The following ZC3H3 variants were observed in gnomAD, a reference collection of about 807,000 sequenced individuals.
The protein encoded by ZC3H3 is zinc finger CCCH-type containing 3, also known as zinc finger CCCH domain-containing protein 3.
Under a neutral mutation model 77.3 loss-of-function variants are expected in ZC3H3, and 36 were observed. The observed-to-expected ratio is 0.47, with a 90% CI of 0.36 to 0.61. ZC3H3 has a LOEUF of 0.61. Ranked by LOEUF, ZC3H3 falls within the 20% of genes least tolerant of loss-of-function variation. The probability of loss-of-function intolerance (pLI) is 0.00; values close to 1 mark genes in which losing one functional copy is unlikely to be tolerated. For synonymous variants in ZC3H3, 626 were observed against 555.2 expected (o/e 1.13, Z -1.79); for missense variants, 1,331 against 1,312.2 (o/e 1.01, Z -0.22).
intron 4 of ZC3H3, among the ~76,000 whole-genome samples, chr8:143,477,677 A>G (rs762483994): frequency 7.9e-5 from 12 of 152,098 alleles, no homozygotes; most frequent in Non-Finnish European, 2.9e-5. Context: ...GCAGGTTCTG[A>G]CCTTCCACAG....
intron 3 of ZC3H3, among the ~76,000 whole-genome samples, chr8:143,516,322 G>C (rs1822039623): frequency 6.6e-6 from 1 of 152,188 alleles, no homozygotes; most frequent in African/African-American, 2.4e-5. Flanking sequence ...CCCTGTATGT[G>C]GTGGTGGCCA....
intron 4 of ZC3H3, among the ~76,000 whole-genome samples, chr8:143,502,185 T>C (rs1334439771): frequency 1.3e-5 from 2 of 152,226 alleles, no homozygotes; most frequent in South Asian, 2.1e-4. Context: ...GGCCCAGGAC[T>C]GTGAGAAGTC....
At chr8:143,505,411 G>A (rs1287807678) in intron 4 of ZC3H3, among the ~76,000 whole-genome samples, 1 of 152,180 alleles carries the variant, frequency 6.6e-6, no homozygotes, top group Non-Finnish European at 1.5e-5. Context: ...AAACAACCCC[G>A]AGCCCAGGCA....
intron 3 of ZC3H3, among the ~76,000 whole-genome samples, chr8:143,509,672 C>T (rs1171901552): frequency 1.3e-5 from 2 of 152,242 alleles, no homozygotes; most frequent in African/African-American, 4.8e-5. Flanking sequence ...CACAGCATGA[C>T]AAAGCTAGGG....
rs138055249 is a variant in ZC3H3, at chr8:143,497,465, T to C, written c.1715+10281A>G. Among the ~76,000 whole-genome samples, 786 of 152,120 alleles carry C rather than the reference T, an allele frequency of 5.2e-3. 7 individuals carry two copies. The highest frequency in any genetic ancestry group is 0.016 in the African/African-American group (646 of 41,482). On this transcript the variant is annotated intron_variant, in intron 4 of 11. Transcript: ENST00000262577. ...CCAGGGGGGCAGCCTGGGGTCCACATGGGCCATGAGCCACAGAGCAGTACC... is the reference window on the plus strand; with the variant it reads ...CCAGGGGGGCAGCCTGGGGTCCACACGGGCCATGAGCCACAGAGCAGTACC...
chr8:143,483,761 A>G (rs1424747478), intron 4 of ZC3H3, among the ~76,000 whole-genome samples: 1 of 152,162 alleles, frequency 6.6e-6, no homozygotes, highest in Non-Finnish European at 1.5e-5. Context: ...ACTCCTCACA[A>G]GTCTGGCCCC....
rs1414054050 is a variant in ZC3H3, at chr8:143,539,633, G to A, written c.47-313C>T. Among the ~76,000 whole-genome samples, 18 of 152,186 alleles carry A rather than the reference G, an allele frequency of 1.2e-4. 1 individual carries two copies. ...TGGTCTACTGAGTCCACAGTCATTTGCTGAGACGTGTCACTCAGTCTGAAG... is the reference window on the plus strand; with the variant it reads ...TGGTCTACTGAGTCCACAGTCATTTACTGAGACGTGTCACTCAGTCTGAAG... On this transcript the variant is annotated intron_variant, in intron 1 of 11. Transcript: ENST00000262577.
chr8:143,498,123 AG>A (rs903242285), intron 4 of ZC3H3, among the ~76,000 whole-genome samples: 4 of 152,186 alleles, frequency 2.6e-5, no homozygotes, highest in African/African-American at 9.7e-5. Flanking sequence ...GGCCCGGGGC[AG>A]GGGCTGTGTC....
intron 4 of ZC3H3, among the ~76,000 whole-genome samples, chr8:143,488,401 C>G (rs1385757624): frequency 1.6e-5 from 2 of 123,302 alleles, no homozygotes; most frequent in Admixed American, 1.6e-4. Flanking sequence ...AGAACAGCAC[C>G]CGCTACACGG....
At position 143,460,167 on chromosome 8, in the gene ZC3H3, G is replaced by A. The variant is rs764900382; in HGVS notation, c.2307+5550C>T. ...GGAGGCTGAGGCAGGAGAATCACTC[G>A]AACCCGGGAGGCGGAAGTTGCAGTG... On this transcript the variant is annotated intron_variant, in intron 9 of 11. Coordinates refer to ENST00000262577, the MANE Select transcript of ZC3H3 (RefSeq NM_015117.3). This position sits in a 1 kb window ranked among gnomAD's most constrained non-coding sequence, Gnocchi z 4.0. Among the ~76,000 whole-genome samples, 4 of 151,764 alleles carry A rather than the reference G, an allele frequency of 2.6e-5. No homozygotes were observed. The highest frequency in any genetic ancestry group is 2.1e-4 in the South Asian group (1 of 4,818).
At chr8:143,492,121 C>G (rs1317660667) in intron 4 of ZC3H3, among the ~76,000 whole-genome samples, 2 of 152,328 alleles carry the variant, frequency 1.3e-5, no homozygotes, top group African/African-American at 4.8e-5. Flanking sequence ...AAGGAAAAGA[C>G]AGACGTTGCA....
chr8:143,480,543 AGTCAGGGCAGTGCAT>A (rs1235713679), intron 4 of ZC3H3, among the ~76,000 whole-genome samples: 4 of 152,254 alleles, frequency 2.6e-5, no homozygotes, highest in African/African-American at 4.8e-5. Context: ...GTGGCCTCGC[AGTCAGGGCAGTGCAT>A]GCACAGCAAG....
At chr8:143,492,547 G>A (rs1197255433) in intron 4 of ZC3H3, among the ~76,000 whole-genome samples, 1 of 152,226 alleles carries the variant, frequency 6.6e-6, no homozygotes, top group Non-Finnish European at 1.5e-5. Context: ...CAGAGCCACT[G>A]CCAGCTTGAT....
chr8:143,449,222 T>C (rs1235377579), intron 9 of ZC3H3, among the ~76,000 whole-genome samples: 4 of 152,256 alleles, frequency 2.6e-5, no homozygotes, highest in Admixed American at 2.6e-4. Flanking sequence ...TTCCTTTTAG[T>C]CACACAAATT....
rs912302455 is a variant in ZC3H3 at position 143,510,119 on chromosome 8, G to A, written c.1562-2220C>T. Among the ~76,000 whole-genome samples, 9 of 152,210 alleles carry A rather than the reference G, an allele frequency of 5.9e-5. No homozygotes were observed. In the East Asian group the frequency reaches 7.7e-4, roughly 13 times the overall value. On this transcript the variant is annotated intron_variant, in intron 3 of 11. Coordinates refer to ENST00000262577, the MANE Select transcript of ZC3H3 (RefSeq NM_015117.3). ...AGGTCAGGCTTCTTTGCCTTACTGC[G>A]TGTTACTTCTTAGTGCCCAAGTGTC... is the stretch of plus-strand genomic sequence containing the variant.
At chr8:143,478,851 G>A (rs1820823927) in intron 4 of ZC3H3, among the ~76,000 whole-genome samples, 1 of 152,218 alleles carries the variant, frequency 6.6e-6, no homozygotes, top group African/African-American at 2.4e-5. Flanking sequence ...CAATTAGCTT[G>A]TCCCCTTCTC....
intron 3 of ZC3H3, among the ~76,000 whole-genome samples, chr8:143,517,147 T>C (rs1822082905): frequency 6.6e-6 from 1 of 152,224 alleles, no homozygotes; most frequent in Admixed American, 6.5e-5. Context: ...CTAGTTCCCG[T>C]TAATTATTGT....
chr8:143,464,997 C>T (rs995805100), intron 9 of ZC3H3, among the ~76,000 whole-genome samples: 11 of 152,108 alleles, frequency 7.2e-5, no homozygotes, highest in Non-Finnish European at 1.6e-4. Context: ...GCGGGGAGTC[C>T]TGCTGAAGCC....
chr8:143,452,147 G>A (rs1820003355), intron 9 of ZC3H3, among the ~76,000 whole-genome samples: 1 of 152,260 alleles, frequency 6.6e-6, no homozygotes, highest in Non-Finnish European at 1.5e-5. Flanking sequence ...GATCAGCAAA[G>A]GCTGAGGAGG....
Sources: allele counts gnomAD v4.1 joint callset (sites outside exome capture counted in the v4.1 genomes callset), GRCh38; gene constraint gnomAD v4.1.1; non-coding constraint Gnocchi (gnomAD v3.1); transcripts MANE v1.5; gene names NCBI Gene and HGNC (gene_info 2026-07-23, HGNC 2026-07-21).